The following DCDC2B variants were observed in gnomAD, a reference collection of about 807,000 sequenced individuals.
DCDC2B encodes doublecortin domain-containing protein 2B.
A neutral mutation model predicts 38.9 loss-of-function variants in DCDC2B; 41 were observed. The observed-to-expected ratio is 1.05, with a 90% CI of 0.82 to 1.37. The LOEUF is 1.37. Among genes scored for constraint, DCDC2B ranks in the 40% most tolerant of loss-of-function variants. The pLI is 0.00. For missense variants in DCDC2B, 453 were observed against 427.2 expected (o/e 1.06, Z -0.53); for synonymous variants, 181 against 171.9 (o/e 1.05, Z -0.41).
In DCDC2B at chr1:32,212,813, A is replaced by G. The variant is rs748360035; in HGVS notation, c.714+20A>G. 6 of 1,612,522 alleles carry G rather than the reference A, an allele frequency of 3.7e-6. 1 individual carries two copies. The Admixed American group carries it at 8.3e-5, about 22-fold the overall frequency. ...CAGGGGGTAGGTGACGCAGGGGACA[A>G]TGAGGGGTGGGAAGAAGGGGAGTGA... On this transcript the variant is annotated intron_variant, in intron 6 of 8. Transcript: ENST00000409358.
rs1215101022 is a variant in DCDC2B, at chr1:32,212,183, A to C, written c.509A>C (p.Gln170Pro). The change falls in exon 4 of 9, where the codon CAG (glutamine) becomes CCG (proline). Residue 170 changes from glutamine to proline, a missense_variant. Gln to Pro is a moderately conservative substitution (Grantham distance 76). Coordinates refer to ENST00000409358, the MANE Select transcript of DCDC2B (RefSeq NM_001099434.2). ...CTCCTGACTGAGAAGGTCAAGTTGC[A>C]GAGTGGGGCTGTGTGCAAGTGAGTA... ...LKLLTEKVKLQSGAVCKLCTL... is the reference protein window; with the variant it reads ...LKLLTEKVKLPSGAVCKLCTL... The C allele has an allele frequency of 1.2e-6, 2 of 1,613,420 alleles. No individual in the cohort carries two copies. The highest frequency in any genetic ancestry group is 1.7e-6 in the Non-Finnish European group (2 of 1,179,874).
rs1420875068 is a variant in DCDC2B at position 32,212,589 on chromosome 1, C to T, written c.627C>T (p.Pro209=). The T allele has an allele frequency of 6.2e-7, 1 of 1,614,034 alleles. No homozygotes were observed. The change falls in exon 5 of 9, where the codon CCC becomes CCT. Residue 209 remains proline (P), a synonymous_variant. Transcript: ENST00000409358. ...AVGEDEFKDL[P]YLELLVPSPS... ...GAGAGGATGAGTTCAAGGACCTTCC[C>T]TATCTGGAGCTGCTGGTGCCCAGCC... is the stretch of plus-strand genomic sequence containing the variant.
At chr1:32,214,162 A>G (rs886067245) in intron 6 of DCDC2B, among the ~76,000 whole-genome samples, 3 of 151,862 alleles carry the variant, frequency 2.0e-5, no homozygotes, top group Non-Finnish European at 4.4e-5. Flanking sequence ...GTACAAAAAA[A>G]TTAGCTGGGC....
chr1:32,215,343 G>A, intron 7 of DCDC2B, 97 bp from the exon 8 acceptor site: 1 of 1,055,782 alleles, frequency 9.5e-7, no homozygotes, highest in Non-Finnish European at 1.4e-6. Context: ...GCAGAACCAG[G>A]TTCAGGGGAG....
rs377621513 is a variant in DCDC2B, at chr1:32,212,511, C to G, written c.549C>G (p.Leu183=). 41 of 1,613,908 alleles carry G rather than the reference C, an allele frequency of 2.5e-5. No homozygotes were observed. Among genetic ancestry groups the G allele is most frequent in the Non-Finnish European group, 3.5e-5 (41 of 1,179,892 alleles). The part of the protein sequence containing the change: ...AVCKLCTLEG[L]PLSAGKELVT... ...CCAGACTCTGCACCCTAGAGGGGCT[C>G]CCACTGTCAGCAGGGAAGGAGCTGG... Residue 183 remains leucine (L), a synonymous_variant, in exon 5 of 9, where the codon CTC becomes CTG. Transcript: ENST00000409358.
intron 1 of DCDC2B, 78 bp from the exon 2 acceptor site, chr1:32,211,194 C>T: frequency 1.5e-6 from 2 of 1,370,888 alleles, no homozygotes; most frequent in South Asian, 2.4e-5. Flanking sequence ...AGCTGCGCCC[C>T]AACCCAACAC....
chr1:32,211,101 G>C (rs1643566054), intron 1 of DCDC2B, among the ~76,000 whole-genome samples, 171 bp from the exon 2 acceptor site: 1 of 152,174 alleles, frequency 6.6e-6, no homozygotes, highest in Non-Finnish European at 1.5e-5. Context: ...GCACTCAAGG[G>C]GTCCTAGGGC....
chr1:32,210,946 T>G (rs1234481133), intron 1 of DCDC2B, among the ~76,000 whole-genome samples: 3 of 152,174 alleles, frequency 2.0e-5, no homozygotes, highest in African/African-American at 4.8e-5. Flanking sequence ...GCTCAAGTGA[T>G]CCTCCTGCCT....
In DCDC2B at chr1:32,214,929, T is replaced by C. The variant is rs200705472; in HGVS notation, c.847T>C (p.Ser283Pro). The C allele has an allele frequency of 6.2e-7, 1 of 1,613,790 alleles. No individual in the cohort carries two copies. Among genetic ancestry groups the C allele is most frequent in the Non-Finnish European group, 8.5e-7 (1 of 1,179,854 alleles). ...CAAGCTCCCCACACTCTCATTCCCA[T>C]CAGGTGAGGGGTCCCTGGGGCTCAG... ...RSKLPTLSFPSGVIGVYGAPH... is the reference protein window; with the variant it reads ...RSKLPTLSFPPGVIGVYGAPH... Residue 283 changes from serine (S) to proline (P), a missense_variant, in exon 7 of 9, where the codon TCA (serine) becomes CCA (proline). Coordinates refer to ENST00000409358, the MANE Select transcript of DCDC2B (RefSeq NM_001099434.2).
chr1:32,215,053 GAAAAA>G, intron 7 of DCDC2B, 121 bp downstream of exon 7: 2 of 1,051,926 alleles, frequency 1.9e-6, no homozygotes, highest in Non-Finnish European at 2.6e-6. Flanking sequence ...GCCGGCACTG[GAAAAA>G]AAAAAAAAAG....
At chr1:32,212,228 A>C in intron 4 of DCDC2B, 27 bp downstream of exon 4, 1 of 1,604,106 alleles carries the variant, frequency 6.2e-7, no homozygotes. Flanking sequence ...CGAGGGCCCA[A>C]AAGTCCCCAA....
chr1:32,209,681 CT>C (rs960289978), intron 1 of DCDC2B, among the ~76,000 whole-genome samples: 13 of 152,276 alleles, frequency 8.5e-5, no homozygotes, highest in African/African-American at 2.9e-4. Context: ...CTTGGACCCC[CT>C]ATCACTGAAC....
At chr1:32,211,208 C>A in intron 1 of DCDC2B, 64 bp from the exon 2 acceptor site, 1 of 1,477,134 alleles carries the variant, frequency 6.8e-7, no homozygotes, top group South Asian at 1.1e-5. Context: ...CCAACACTGA[C>A]ATCTGCCAGG....
At chr1:32,212,239 A>G in intron 4 of DCDC2B, 38 bp downstream of exon 4, 1 of 1,601,672 alleles carries the variant, frequency 6.2e-7, no homozygotes, top group Non-Finnish European at 8.5e-7. Context: ...AAGTCCCCAA[A>G]GAGAGCCTCG....
chr1:32,213,950 C>A (rs1184006277), intron 6 of DCDC2B, among the ~76,000 whole-genome samples: 1 of 151,908 alleles, frequency 6.6e-6, no homozygotes, highest in Non-Finnish European at 1.5e-5. Flanking sequence ...CCTCGCCTGG[C>A]CACTCTTAAT....
At chr1:32,212,892 CTT>C (rs1643649048) in intron 6 of DCDC2B, 99 bp downstream of exon 6, 7 of 1,382,634 alleles carry the variant, frequency 5.1e-6, no homozygotes, top group Non-Finnish European at 7.0e-6. Context: ...TGCATCCTCT[CTT>C]TTTTCTTTTT....
At position 32,215,755 on chromosome 1, in the gene DCDC2B, T is replaced by C. The variant is rs1256790990; in HGVS notation, c.955-47T>C. The stretch of plus-strand genomic sequence containing the variant: ...GACCTCCTGGCTGAGAGCTGGAGGC[T>C]GGCCATACTCACGGCTCCATTCTGT... On this transcript the variant is annotated intron_variant, in intron 8 of 8. Transcript: ENST00000409358. 3 of 1,431,074 alleles carry C rather than the reference T, an allele frequency of 2.1e-6. No individual in the cohort carries two copies. The Admixed American group carries it at 6.9e-5, about 33-fold the overall frequency. 88.6% of individuals were successfully genotyped at this position (1,431,074 alleles called of 1,614,324 possible).
chr1:32,209,312 C>G lies in DCDC2B; in HGVS notation c.219C>G (p.Asn73Lys), dbSNP rs1557527351. The G allele has an allele frequency of 7.4e-6, 12 of 1,614,020 alleles. No individual in the cohort carries two copies. The highest frequency in any genetic ancestry group is 1.0e-5 in the Non-Finnish European group (12 of 1,179,900). The change falls in exon 1 of 9, where the codon AAC (asparagine) becomes AAG (lysine). Residue 73 changes from asparagine to lysine, a missense_variant. Physicochemically the swap from Asn to Lys is moderately conservative, Grantham distance 94. Transcript: ENST00000409358. ...TCACCAACCTGGCAGACTTGAAGAA[C>G]AGAGGGCAGTATGTGGCCGCTGGAT... ...HPVTNLADLK[N>K]RGQYVAAGFE... is the part of the protein sequence containing the mutation.
intron 7 of DCDC2B, 56 bp from the exon 8 acceptor site, chr1:32,215,384 G>A: frequency 2.1e-6 from 3 of 1,451,166 alleles, no homozygotes; most frequent in Non-Finnish European, 2.8e-6. Context: ...GTCCAGGGCA[G>A]GAATGCTGAG....
Sources: allele counts gnomAD v4.1 joint callset (sites outside exome capture counted in the v4.1 genomes callset), GRCh38; gene constraint gnomAD v4.1.1; transcripts MANE v1.5; gene names NCBI Gene and HGNC (gene_info 2026-07-23, HGNC 2026-07-21).